TRPC4: variants seen among roughly 807,000 people sequenced by gnomAD.
TRPC4 encodes transient receptor potential cation channel subfamily C member 4, also known as short transient receptor potential channel 4.
A neutral mutation model predicts 99.4 loss-of-function variants in TRPC4; 49 were observed. The ratio of observed to expected loss-of-function variants is 0.49; its 90% CI spans 0.39 to 0.63. The LOEUF (loss-of-function observed/expected upper bound fraction) is 0.63, where lower values mean the gene tolerates loss of function less well. TRPC4 is among the 20% of genes least tolerant of loss of function. The pLI, the probability that TRPC4 is intolerant of heterozygous loss-of-function variation, is 0.00. For missense variants in TRPC4, 898 were observed against 1,152.9 expected, an observed-to-expected ratio of 0.78 and a Z score of 3.20; for synonymous variants, 454 against 425.9, an observed-to-expected ratio of 1.07 and a Z score of -0.81.
chr13:37,663,709 T>C lies in TRPC4; in HGVS notation c.1395A>G (p.Arg465=), dbSNP rs1465393680. 1.9e-6 allele frequency: 3 copies of C among 1,613,786 alleles called. No individual in the cohort carries two copies. Among genetic ancestry groups the C allele is most frequent in the Non-Finnish European group, 2.5e-6 (3 of 1,179,874 alleles). The part of the protein sequence containing the change: ...AFVKYSALNP[R]ESWDMWHPTL... ...TGGGATGCCACATGTCCCATGATTCTCGTGGATTAAGGGCACTGTACTGGA... is the reference window on the plus strand; with the variant it reads ...TGGGATGCCACATGTCCCATGATTCCCGTGGATTAAGGGCACTGTACTGGA... Residue 465 remains arginine, a synonymous_variant, in exon 6 of 11, where the codon CGA becomes CGG. Coordinates refer to ENST00000379705, the MANE Select transcript of TRPC4 (RefSeq NM_016179.4).
intron 3 of TRPC4, among the ~76,000 whole-genome samples, chr13:37,693,839 G>A (rs947307234): frequency 2.0e-5 from 3 of 152,092 alleles, no homozygotes; most frequent in Non-Finnish European, 2.9e-5. Context: ...ATAATAATGG[G>A]TTCAGTAAAT....
chr13:37,799,340 A>G (rs1957337865), intron 1 of TRPC4, among the ~76,000 whole-genome samples: 2 of 152,088 alleles, frequency 1.3e-5, no homozygotes, highest in South Asian at 4.1e-4. Context: ...CTCAAGACTG[A>G]TCTGATTTTT....
chr13:37,663,407 T>C lies in TRPC4; in HGVS notation c.1688+9A>G. ...CAACATTACCAGTAGAAATGTCTATTAGACTTACGTTGAAAATGCATTATT... is the reference window on the plus strand; with the variant it reads ...CAACATTACCAGTAGAAATGTCTATCAGACTTACGTTGAAAATGCATTATT... On this transcript the variant is annotated intron_variant, in intron 6 of 10. Transcript: ENST00000379705. The C allele has an allele frequency of 6.2e-7, 1 of 1,606,296 alleles. No homozygotes were observed. The highest frequency in any genetic ancestry group is 1.1e-5 in the South Asian group (1 of 89,660).
At chr13:37,851,267 G>A (rs1344191900) in intron 1 of TRPC4, among the ~76,000 whole-genome samples, 1 of 151,986 alleles carries the variant, frequency 6.6e-6, no homozygotes, top group African/African-American at 2.4e-5. Flanking sequence ...TAGACAGGAT[G>A]TATCCTCTCT....
chr13:37,731,188 G>T (rs1570607), intron 3 of TRPC4, among the ~76,000 whole-genome samples: 3 of 151,834 alleles, frequency 2.0e-5, no homozygotes, highest in African/African-American at 7.3e-5. Context: ...TTAGCTGTTC[G>T]AAATAATCTA....
At chr13:37,843,577 C>A (rs1455583398) in intron 1 of TRPC4, among the ~76,000 whole-genome samples, 1 of 152,004 alleles carries the variant, frequency 6.6e-6, no homozygotes, top group Non-Finnish European at 1.5e-5. Context: ...AAATTGAACC[C>A]AGTAGTGTTA....
chr13:37,866,854 G>GGGA (rs556365024), intron 1 of TRPC4, among the ~76,000 whole-genome samples: 31 of 111,950 alleles, frequency 2.8e-4, no homozygotes, highest in African/African-American at 1.0e-3. Context: ...TGTGGGGGGG[G>GGGA]GCGGGTATAG....
At chr13:37,810,618 G>A (rs1217513475) in intron 1 of TRPC4, among the ~76,000 whole-genome samples, 1 of 152,040 alleles carries the variant, frequency 6.6e-6, no homozygotes, top group Non-Finnish European at 1.5e-5. Flanking sequence ...ATCTTGAACT[G>A]TGAAGTTAGT....
At chr13:37,764,937 A>T (rs1956322189) in intron 2 of TRPC4, among the ~76,000 whole-genome samples, 1 of 149,626 alleles carries the variant, frequency 6.7e-6, no homozygotes, top group African/African-American at 2.4e-5. Flanking sequence ...TATATTTTTG[A>T]GTGAGATGAG....
chr13:37,845,660 A>T (rs1407280140), intron 1 of TRPC4, among the ~76,000 whole-genome samples: 2 of 152,048 alleles, frequency 1.3e-5, no homozygotes, highest in Non-Finnish European at 2.9e-5. Context: ...GAGGGTCTAT[A>T]GGAATTATGG....
intron 5 of TRPC4, among the ~76,000 whole-genome samples, chr13:37,667,720 A>G (rs1376012942): frequency 6.6e-6 from 1 of 152,202 alleles, no homozygotes. Context: ...CTTGCTACAT[A>G]AAGCCTCTAT....
chr13:37,812,192 A>AAC (rs1566188957), intron 1 of TRPC4, among the ~76,000 whole-genome samples: 1 of 147,630 alleles, frequency 6.8e-6, no homozygotes, highest in Non-Finnish European at 1.5e-5. Flanking sequence ...AAAAAAAAAA[A>AAC]AAACCAGGAG....
At chr13:37,691,969 T>G in intron 4 of TRPC4, 30 bp downstream of exon 4, 1 of 1,569,176 alleles carries the variant, frequency 6.4e-7, no homozygotes, top group Non-Finnish European at 8.7e-7. Flanking sequence ...TAACATGTTT[T>G]TATTATATTT....
At chr13:37,697,922 C>T (rs1305217198) in intron 3 of TRPC4, among the ~76,000 whole-genome samples, 1 of 151,820 alleles carries the variant, frequency 6.6e-6, no homozygotes. Flanking sequence ...AAGAAATATA[C>T]AGCTGACCTT....
In TRPC4 at chr13:37,642,749, T is replaced by G. The variant is rs1166339786; in HGVS notation, c.2080-3450A>C. 5.3e-5 allele frequency among the ~76,000 whole-genome samples: 8 copies of G among 151,076 alleles called. 1 individual carries two copies. Among genetic ancestry groups the G allele is most frequent in the African/African-American group, 1.9e-4 (8 of 41,134 alleles). The stretch of plus-strand genomic sequence containing the variant: ...TTCTTTCTTTTTCTTTTTTTTTTTT[T>G]TTTTTGAGATAGAATCTCACTCTGT... On this transcript the variant is annotated intron_variant, in intron 8 of 10. Transcript: ENST00000379705.
chr13:37,826,694 G>C (rs566811369), intron 1 of TRPC4, among the ~76,000 whole-genome samples: 6 of 151,950 alleles, frequency 3.9e-5, no homozygotes, highest in Non-Finnish European at 7.4e-5. Context: ...TTTCTCTCTG[G>C]CTGCCCTTAA....
At chr13:37,683,920 A>G (rs1953354196) in intron 4 of TRPC4, among the ~76,000 whole-genome samples, 1 of 152,202 alleles carries the variant, frequency 6.6e-6, no homozygotes, top group Non-Finnish European at 1.5e-5. Context: ...ATAACTTGAA[A>G]TTTCAGAAAA....
chr13:37,663,282 C>A, intron 6 of TRPC4, 134 bp downstream of exon 6: 1 of 730,824 alleles, frequency 1.4e-6, no homozygotes, highest in East Asian at 2.9e-5. Context: ...CATGTTAATT[C>A]TGTTTTCTGC....
chr13:37,636,791 A>T lies in TRPC4; in HGVS notation c.*112T>A, dbSNP rs995691923. ...TTACAGGTAATATGCCACAGCTGATAAACGCTATAAAGTGTAAGTTAGCAT... is the reference window on the plus strand; with the variant it reads ...TTACAGGTAATATGCCACAGCTGATTAACGCTATAAAGTGTAAGTTAGCAT... On this transcript the variant is annotated 3_prime_UTR_variant, in exon 11 of 11. Coordinates refer to ENST00000379705, the MANE Select transcript of TRPC4 (RefSeq NM_016179.4). The T allele has an allele frequency of 7.6e-7, 1 of 1,307,292 alleles. No individual in the cohort carries two copies. Among genetic ancestry groups the T allele is most frequent in the Non-Finnish European group, 1.0e-6 (1 of 974,030 alleles). The allele number at this position is 1,307,292 out of a possible 1,614,324, so 81.0% of individuals were successfully genotyped here.
Sources: allele counts gnomAD v4.1 joint callset (sites outside exome capture counted in the v4.1 genomes callset), GRCh38; gene constraint gnomAD v4.1.1; transcripts MANE v1.5; gene names NCBI Gene and HGNC (gene_info 2026-07-23, HGNC 2026-07-21).